Variants in ARK2N observed in about 807,000 individuals in gnomAD.
The protein encoded by ARK2N is protein ARK2N.
At chr18:46,186,565 C>T in the ARK2N span, among the ~76,000 whole-genome samples, 24 of 125,324 alleles carry the variant, frequency 1.9e-4, no homozygotes, top group East Asian at 1.7e-3. Flanking sequence ...AGTGCAGTGG[C>T]GGGATCTCGG....
At chr18:46,201,691 G>C in the ARK2N span, among the ~76,000 whole-genome samples, 1 of 151,792 alleles carries the variant, frequency 6.6e-6, no homozygotes, top group Non-Finnish European at 1.5e-5. Context: ...TTTTCCCCTA[G>C]ATCTCCCTTT....
chr18:46,209,749 C>G, the ARK2N span, among the ~76,000 whole-genome samples: 1 of 152,078 alleles, frequency 6.6e-6, no homozygotes, highest in Non-Finnish European at 1.5e-5. Context: ...GCGTCCGCCA[C>G]CACACCCGGC....
At chr18:46,259,902 A>G in the ARK2N span, among the ~76,000 whole-genome samples, 3 of 19,694 alleles carry the variant, frequency 1.5e-4, no homozygotes, top group Non-Finnish European at 3.2e-4. Flanking sequence ...TGTGTGTGCG[A>G]CAGAGATGGG....
At chr18:46,216,959 T>A in the ARK2N span, 1 of 189,040 alleles carries the variant, frequency 5.3e-6, no homozygotes, top group Non-Finnish European at 1.1e-5. The surrounding 1 kb of genome is among the most constrained non-coding windows in gnomAD (Gnocchi z 4.3). Context: ...TACATTCTCC[T>A]CAGGAATAGG....
At chr18:46,238,755 G>A in the ARK2N span, among the ~76,000 whole-genome samples, 1 of 152,020 alleles carries the variant, frequency 6.6e-6, no homozygotes, top group Admixed American at 6.6e-5. Flanking sequence ...TAGTTTTAAG[G>A]GATCACTACC....
At chr18:46,246,304 C>T in the ARK2N span, among the ~76,000 whole-genome samples, 2 of 152,140 alleles carry the variant, frequency 1.3e-5, no homozygotes, top group African/African-American at 4.8e-5. Context: ...AGGTTCTATA[C>T]TGGAGCTCCC....
the ARK2N span, among the ~76,000 whole-genome samples, chr18:46,211,695 C>T: frequency 2.0e-5 from 3 of 152,114 alleles, no homozygotes; most frequent in East Asian, 5.8e-4. Flanking sequence ...GGGAGATGAG[C>T]TCTAGTACTC....
At chr18:46,263,631 A>C in the ARK2N span, 1 of 152,904 alleles carries the variant, frequency 6.5e-6, no homozygotes, top group Non-Finnish European at 1.5e-5. Flanking sequence ...TTAAAAATAG[A>C]AGACAGAAGT....
chr18:46,173,865 G>T, the ARK2N span, among the ~76,000 whole-genome samples: 2 of 152,070 alleles, frequency 1.3e-5, no homozygotes, highest in African/African-American at 4.8e-5. Context: ...AAAGAAGCCC[G>T]GGGAGCCGGC....
the ARK2N span, among the ~76,000 whole-genome samples, chr18:46,181,396 G>T: frequency 6.6e-6 from 1 of 152,044 alleles, no homozygotes; most frequent in South Asian, 2.1e-4. Context: ...TTAAAACTTA[G>T]AGCAGCCATT....
chr18:46,213,690 T>G, the ARK2N span, among the ~76,000 whole-genome samples: 113 of 151,990 alleles, frequency 7.4e-4, no homozygotes, highest in African/African-American at 2.3e-3. Context: ...TTTATTTATT[T>G]TTTATTTATT....
At chr18:46,263,102 G>A in the ARK2N span, 7 of 1,611,708 alleles carry the variant, frequency 4.3e-6, no homozygotes, top group South Asian at 2.2e-5. Context: ...GATAGCAGGC[G>A]TAAATACCTA....
At chr18:46,216,540 A>C in the ARK2N span, 1 of 1,614,182 alleles carries the variant, frequency 6.2e-7, no homozygotes, top group East Asian at 2.2e-5. This position sits in a 1 kb window ranked among gnomAD's most constrained non-coding sequence, Gnocchi z 4.3. Context: ...CGAGCTCATC[A>C]GATGATGATG....
the ARK2N span, among the ~76,000 whole-genome samples, chr18:46,242,224 C>A: frequency 6.6e-6 from 1 of 152,060 alleles, no homozygotes; most frequent in African/African-American, 2.4e-5. Flanking sequence ...AAATATAGAC[C>A]ATTTTATGGT....
At chr18:46,202,742 C>T in the ARK2N span, among the ~76,000 whole-genome samples, 1 of 149,960 alleles carries the variant, frequency 6.7e-6, no homozygotes, top group African/African-American at 2.5e-5. Flanking sequence ...GAGCAGAGAT[C>T]GCTCCACTGC....
At chr18:46,247,590 T>C in the ARK2N span, among the ~76,000 whole-genome samples, 1 of 152,256 alleles carries the variant, frequency 6.6e-6, no homozygotes, top group Non-Finnish European at 1.5e-5. Flanking sequence ...TATTTATTTT[T>C]AGGATCCCAA....
the ARK2N span, among the ~76,000 whole-genome samples, chr18:46,203,861 A>G: frequency 1.3e-5 from 2 of 152,296 alleles, no homozygotes; most frequent in African/African-American, 4.8e-5. Flanking sequence ...TACTGGGATT[A>G]CAGGTGTGAG....
the ARK2N span, among the ~76,000 whole-genome samples, chr18:46,180,896 C>G: frequency 6.6e-6 from 1 of 152,136 alleles, no homozygotes; most frequent in Non-Finnish European, 1.5e-5. Flanking sequence ...CTTATAAATT[C>G]ATTTTAAATA....
chr18:46,200,799 A>G, the ARK2N span, among the ~76,000 whole-genome samples: 3 of 151,892 alleles, frequency 2.0e-5, no homozygotes, highest in African/African-American at 7.3e-5. Flanking sequence ...TTTTTGAGAC[A>G]GTGACACTAA....
Sources: gnomAD v4.1 joint callset for allele counts (sites outside exome capture counted in the v4.1 genomes callset) on GRCh38, gnomAD v4.1.1 for gene constraint, Gnocchi (gnomAD v3.1) non-coding constraint, MANE v1.5 for transcripts, NCBI Gene and HGNC (gene_info 2026-07-23, HGNC 2026-07-21) for gene names.